CPN1: variants seen among roughly 807,000 people sequenced by gnomAD.
The protein encoded by CPN1 is carboxypeptidase N catalytic chain.
Under a neutral mutation model 46.4 loss-of-function variants are expected in CPN1, and 37 were observed. The ratio of observed to expected loss-of-function variants is 0.80; its 90% confidence interval spans 0.61 to 1.05. The LOEUF (loss-of-function observed/expected upper bound fraction) is 1.05. Ranked by LOEUF, CPN1 falls within the 50% of genes least tolerant of loss-of-function variation. CPN1 has a pLI of 0.00. For synonymous variants in CPN1, 224 were observed against 235.4 expected (o/e 0.95, Z 0.44); for missense variants, 563 against 602.6 (o/e 0.93, Z 0.69).
At chr10:100,070,003 A>G (rs1239810684) in intron 2 of CPN1, 134 bp from the exon 3 acceptor site, 3 of 956,168 alleles carry the variant, frequency 3.1e-6, no homozygotes, top group Admixed American at 4.1e-5. Context: ...GCTTACTGCA[A>G]CCTCTACCTA....
Position 100,057,029 on chromosome 10 carries a change from A to T in CPN1, c.995T>A (p.Ile332Asn), listed in dbSNP as rs1459784025. 1 of 1,614,146 alleles carries T rather than the reference A, an allele frequency of 6.2e-7. No homozygotes were observed. The change falls in exon 6 of 9, where the codon ATC becomes AAC. Residue 332 changes from isoleucine to asparagine, a missense_variant. Physicochemically the swap from Ile to Asn is moderately radical, Grantham distance 149. Coordinates refer to ENST00000370418, the MANE Select transcript of CPN1 (RefSeq NM_001308.3). The part of the protein sequence containing the change: ...REWLGNREAL[I>N]QFLEQVHQGI... ...AGATTTTACCTGTTCCAGGAACTGG[A>T]TTAGGGCTTCCCGATTACCCAGCCA...
At chr10:100,061,970 C>A (rs556256010) in intron 5 of CPN1, among the ~76,000 whole-genome samples, 1 of 151,970 alleles carries the variant, frequency 6.6e-6, no homozygotes, top group South Asian at 2.1e-4. Context: ...CCTCTCAAAG[C>A]GCTGAGATTA....
intron 2 of CPN1, among the ~76,000 whole-genome samples, chr10:100,072,025 T>G (rs1743644879): frequency 6.6e-6 from 1 of 152,202 alleles, no homozygotes; most frequent in Non-Finnish European, 1.5e-5. Context: ...TTGGGTTGTT[T>G]TCACCTTTTG....
chr10:100,071,950 A>G (rs931142939), intron 2 of CPN1, among the ~76,000 whole-genome samples: 2 of 152,194 alleles, frequency 1.3e-5, no homozygotes, highest in Non-Finnish European at 2.9e-5. Flanking sequence ...AAATAAGATC[A>G]TAGTCACAGA....
At chr10:100,066,242 T>G (rs1564774710) in intron 3 of CPN1, among the ~76,000 whole-genome samples, 1 of 152,048 alleles carries the variant, frequency 6.6e-6, no homozygotes, top group Non-Finnish European at 1.5e-5. Flanking sequence ...TGAGCCACCA[T>G]TCCCAGCCAA....
chr10:100,060,236 A>G (rs1454804628), intron 5 of CPN1, among the ~76,000 whole-genome samples: 1 of 152,192 alleles, frequency 6.6e-6, no homozygotes, highest in Non-Finnish European at 1.5e-5. Context: ...AATTATTACA[A>G]TGGTAAATTT....
At chr10:100,072,886 T>C (rs370314846) in intron 2 of CPN1, among the ~76,000 whole-genome samples, 1 of 152,176 alleles carries the variant, frequency 6.6e-6, no homozygotes, top group East Asian at 1.9e-4. Flanking sequence ...CCATTTAATG[T>C]TTTGTGTGGC....
intron 3 of CPN1, among the ~76,000 whole-genome samples, chr10:100,066,973 T>C (rs2133441768): frequency 6.6e-6 from 1 of 152,328 alleles, no homozygotes; most frequent in East Asian, 1.9e-4. Context: ...ACCTCTTTGC[T>C]TTTCCCCCTA....
At position 100,066,048 on chromosome 10, in the gene CPN1, C is replaced by T. The variant is rs148500633; in HGVS notation, c.577-678G>A. Among the ~76,000 whole-genome samples, 1,472 of 152,090 alleles carry T rather than the reference C, an allele frequency of 9.7e-3. 13 individuals are homozygous for T. Among genetic ancestry groups the T allele is most frequent in the Non-Finnish European group, 0.015 (1,038 of 67,958 alleles). ...TCAGTTCATTGCAGCCTCCACCTCC[C>T]GGACTCAAGCGATCCTCCTACCTCA... On this transcript the variant is annotated intron_variant, in intron 3 of 8. Coordinates refer to ENST00000370418, the MANE Select transcript of CPN1 (RefSeq NM_001308.3).
At chr10:100,053,943 GCTAA>G (rs1390054555) in intron 7 of CPN1, among the ~76,000 whole-genome samples, 1 of 151,776 alleles carries the variant, frequency 6.6e-6, no homozygotes, top group East Asian at 1.9e-4. Flanking sequence ...CAGCGACAAG[GCTAA>G]CTATCTGTTT....
chr10:100,058,594 G>A (rs2041398679), intron 5 of CPN1, among the ~76,000 whole-genome samples: 1 of 152,080 alleles, frequency 6.6e-6, no homozygotes, highest in Non-Finnish European at 1.5e-5. Flanking sequence ...ACTTAAAAAT[G>A]TCTGTACTAC....
intron 8 of CPN1, among the ~76,000 whole-genome samples, chr10:100,045,280 C>T (rs188263573): frequency 1.1e-3 from 168 of 152,192 alleles, no homozygotes; most frequent in Non-Finnish European, 2.1e-3. Flanking sequence ...TTGAATTTGG[C>T]GTTGAACAGA....
intron 7 of CPN1, among the ~76,000 whole-genome samples, chr10:100,050,358 A>C (rs1216066409): frequency 8.1e-6 from 1 of 124,116 alleles, no homozygotes; most frequent in East Asian, 2.0e-4. Context: ...TGTCTCAAAT[A>C]GAACAAACAA....
intron 4 of CPN1, 43 bp from the exon 5 acceptor site, chr10:100,063,768 C>G: frequency 6.8e-7 from 1 of 1,466,992 alleles, no homozygotes; most frequent in South Asian, 1.1e-5. Context: ...TGATTCCCAA[C>G]TCAAATGGCA....
In CPN1 at chr10:100,081,708, A is replaced by G. The variant is rs2041548503; in HGVS notation, c.-83T>C. On this transcript the variant is annotated 5_prime_UTR_variant, in exon 1 of 9. Transcript: ENST00000370418. ...TAGCCTCTTCACCCGCCAAAATCCA[A>G]GGTCCACCTAGCTTCCCGCTTGTAA... 20 of 1,146,732 alleles carry G rather than the reference A, an allele frequency of 1.7e-5. No individual in the cohort carries two copies. In the South Asian group the frequency reaches 2.5e-4, roughly 14 times the overall value. 71.0% of individuals were successfully genotyped at this position (1,146,732 alleles called of 1,614,324 possible). A position where few individuals can be genotyped will look rare whatever the true frequency, so the allele number is the denominator to read the frequency against.
chr10:100,078,023 G>A (rs2041524974), intron 1 of CPN1, among the ~76,000 whole-genome samples: 1 of 151,898 alleles, frequency 6.6e-6, no homozygotes, highest in Non-Finnish European at 1.5e-5. Flanking sequence ...AGATTCTTTT[G>A]GCTCTCCTTT....
At position 100,054,356 on chromosome 10, in the gene CPN1, C is replaced by T; in HGVS notation, c.1102G>A (p.Val368Ile). ...VISVSGINHD[V>I]TSGDHGDYFR... is the part of the protein sequence containing the mutation. ...AGCAGTGACCACCTACCTGAAGTGA[C>T]ATCATGGTTAATCCCACTGACAGAA... The change falls in exon 7 of 9, where the codon GTC (valine) becomes ATC (isoleucine). Residue 368 changes from valine to isoleucine, a missense_variant. Coordinates refer to ENST00000370418, the MANE Select transcript of CPN1 (RefSeq NM_001308.3). 6.2e-7 allele frequency: 1 copy of T among 1,613,024 alleles called. No homozygotes were observed. The highest frequency in any genetic ancestry group is 8.5e-7 in the Non-Finnish European group (1 of 1,179,056).
chr10:100,051,144 C>T (rs1186516478), intron 7 of CPN1, among the ~76,000 whole-genome samples: 2 of 152,198 alleles, frequency 1.3e-5, no homozygotes, highest in Non-Finnish European at 2.9e-5. Flanking sequence ...CTTTCCATCC[C>T]TTTAGACTCA....
In CPN1 at chr10:100,081,463, C is replaced by T. The variant is rs1272140911; in HGVS notation, c.163G>A (p.Val55Met). 1 of 1,614,048 alleles carries T rather than the reference C, an allele frequency of 6.2e-7. No individual in the cohort carries two copies. The highest frequency in any genetic ancestry group is 8.5e-7 in the Non-Finnish European group (1 of 1,180,034). Reference protein sequence around the residue: ...ITRVYSIGRSVEGRHLYVLEF... With the variant: ...ITRVYSIGRSMEGRHLYVLEF... Reference sequence around the variant, plus strand: ...AGCACGTAGAGGTGTCTCCCCTCCACGCTGCGCCCAATGCTGTAGACCCGC... The same window carrying T: ...AGCACGTAGAGGTGTCTCCCCTCCATGCTGCGCCCAATGCTGTAGACCCGC... The change falls in exon 1 of 9, where the codon GTG becomes ATG. Residue 55 changes from valine to methionine, a missense_variant. Physicochemically the swap from Val to Met is conservative, Grantham distance 21. Coordinates refer to ENST00000370418, the MANE Select transcript of CPN1 (RefSeq NM_001308.3).
Sources: gnomAD v4.1 joint callset for allele counts (sites outside exome capture counted in the v4.1 genomes callset) on GRCh38, gnomAD v4.1.1 for gene constraint, MANE v1.5 for transcripts, NCBI Gene and HGNC (gene_info 2026-07-23, HGNC 2026-07-21) for gene names.